PCSK6: variants seen among roughly 807,000 people sequenced by gnomAD.
The protein encoded by PCSK6 is proprotein convertase subtilisin/kexin type 6, also known as paired basic amino acid cleaving enzyme 4.
In PCSK6, 85 loss-of-function variants were observed where a neutral mutation model predicts 123.3. The ratio of observed to expected loss-of-function variants is 0.69; its 90% CI spans 0.58 to 0.83. The LOEUF is 0.83. PCSK6 is among the 40% of genes least tolerant of loss of function. The probability of loss-of-function intolerance (pLI) is 0.00; values close to 1 mark genes in which losing one functional copy is unlikely to be tolerated. For synonymous variants in PCSK6, 508 were observed against 516.0 expected, an observed-to-expected ratio of 0.98 and a Z score of 0.21; for missense variants, 1,191 against 1,282.3, an observed-to-expected ratio of 0.93 and a Z score of 1.09.
At position 101,318,237 on chromosome 15, in the gene PCSK6, T is replaced by C. The variant is rs892799262; in HGVS notation, c.2569+82A>G. The C allele has an allele frequency of 5.9e-6, 6 of 1,012,020 alleles. No homozygotes were observed. In the African/African-American group the frequency reaches 8.0e-5, roughly 14 times the overall value. The allele number at this position is 1,012,020 out of a possible 1,614,324, so 62.7% of individuals were successfully genotyped here. ...GCAATAAATGCAGAAGCCCACGAAG[T>C]CCTAGGGCTTTCTCGGGTTCAAGGC... On this transcript the variant is annotated intron_variant, in intron 19 of 21. Transcript: ENST00000611716.
At chr15:101,484,093 TCAC>T (rs35782163) in intron 1 of PCSK6, among the ~76,000 whole-genome samples, 15 of 152,270 alleles carry the variant, frequency 9.9e-5, no homozygotes, top group African/African-American at 2.2e-4. Flanking sequence ...CTTGTACACA[TCAC>T]CACATGTAAT....
intron 11 of PCSK6, among the ~76,000 whole-genome samples, chr15:101,381,434 C>T (rs1408979397): frequency 2.0e-5 from 3 of 152,142 alleles, no homozygotes; most frequent in South Asian, 2.1e-4. Flanking sequence ...AGAGCAGTTC[C>T]GGGTGTGCCC....
intron 19 of PCSK6, among the ~76,000 whole-genome samples, chr15:101,316,937 T>G (rs1596173305): frequency 1.4e-5 from 2 of 145,860 alleles, no homozygotes; most frequent in Admixed American, 7.1e-5. Flanking sequence ...TTTGACAGAG[T>G]CTTACTCTGT....
rs147919632 is a variant in PCSK6 at position 101,349,720 on chromosome 15, G to A, written c.1858+16476C>T. 2.6e-3 allele frequency among the ~76,000 whole-genome samples: 396 copies of A among 152,232 alleles called. 6 individuals carry two copies. Among genetic ancestry groups the A allele is most frequent in the African/African-American group, 8.8e-3 (366 of 41,550 alleles). ...TCATCAGTCCCAGGTCTCCCAGCCC[G>A]TCACCGGTGCAGCCAGCGTGGGACC... On this transcript the variant is annotated intron_variant, in intron 13 of 21. Transcript: ENST00000611716.
At chr15:101,454,801 C>T (rs1338071314) in intron 1 of PCSK6, among the ~76,000 whole-genome samples, 4 of 152,002 alleles carry the variant, frequency 2.6e-5, no homozygotes, top group Non-Finnish European at 4.4e-5. Flanking sequence ...AAAAATTAGC[C>T]GGGTATGGTG....
At chr15:101,443,044 T>C (rs1053863079) in intron 2 of PCSK6, among the ~76,000 whole-genome samples, 5 of 152,222 alleles carry the variant, frequency 3.3e-5, no homozygotes, top group Admixed American at 2.0e-4. Context: ...TTCAAATCTA[T>C]GCAGAAAGGA....
chr15:101,362,890 C>G (rs1292895524), intron 13 of PCSK6, among the ~76,000 whole-genome samples: 1 of 152,190 alleles, frequency 6.6e-6, no homozygotes. Flanking sequence ...TTGTTAGAAC[C>G]ATAGACCCTG....
chr15:101,332,233 C>G (rs767957208), intron 13 of PCSK6, among the ~76,000 whole-genome samples: 16 of 152,246 alleles, frequency 1.1e-4, no homozygotes, highest in Non-Finnish European at 1.3e-4. Context: ...TTCCTGCAAG[C>G]CAGTGCCCTT....
intron 13 of PCSK6, 141 bp downstream of exon 13, chr15:101,366,055 T>G (rs1487798905): frequency 3.5e-6 from 3 of 862,952 alleles, no homozygotes; most frequent in Non-Finnish European, 5.1e-6. Context: ...ATAATTAAAA[T>G]GGTGAATTTT....
chr15:101,381,614 G>A (rs1415790616), intron 11 of PCSK6, among the ~76,000 whole-genome samples: 1 of 152,208 alleles, frequency 6.6e-6, no homozygotes. Context: ...AGAAGAGGCT[G>A]ACCCAGCTGC....
At chr15:101,340,555 A>C (rs999860120) in intron 13 of PCSK6, among the ~76,000 whole-genome samples, 2 of 152,338 alleles carry the variant, frequency 1.3e-5, no homozygotes, top group South Asian at 2.1e-4. Context: ...CCTTCACTCC[A>C]TTCTACCTCT....
intron 18 of PCSK6, among the ~76,000 whole-genome samples, chr15:101,320,184 C>T (rs2040085180): frequency 6.6e-6 from 1 of 152,212 alleles, no homozygotes; most frequent in Non-Finnish European, 1.5e-5. Flanking sequence ...CTCCCAGGTT[C>T]AAGCGATTCT....
chr15:101,315,236 G>A (rs776238996), intron 19 of PCSK6, among the ~76,000 whole-genome samples: 3 of 152,188 alleles, frequency 2.0e-5, no homozygotes, highest in South Asian at 2.1e-4. Context: ...TAATGCCACC[G>A]AACTGTATGC....
rs1200463959 is a variant in PCSK6, at chr15:101,304,008, T to C, written c.*1250A>G. The C allele has an allele frequency of 1.3e-5, 2 of 152,612 alleles. No homozygotes were observed. The highest frequency in any genetic ancestry group is 2.9e-5 in the Non-Finnish European group (2 of 68,040). 9.5% of individuals were successfully genotyped at this position (152,612 alleles called of 1,614,324 possible). On this transcript the variant is annotated 3_prime_UTR_variant, in exon 22 of 22. Transcript: ENST00000611716. The stretch of plus-strand genomic sequence containing the variant: ...TTGATTTCTCTTTCAGAGTTGTAGA[T>C]TCAATAAACAACATCTGGGTTCTCT...
chr15:101,423,325 T>C (rs1235489192), intron 6 of PCSK6, among the ~76,000 whole-genome samples: 1 of 151,656 alleles, frequency 6.6e-6, no homozygotes, highest in Non-Finnish European at 1.5e-5. Flanking sequence ...AGTGGTATGA[T>C]CTCAGCTCAC....
chr15:101,312,313 G>A (rs2039884319), intron 20 of PCSK6: 1 of 152,024 alleles, frequency 6.6e-6, no homozygotes, highest in Admixed American at 6.6e-5. Context: ...AGCCAGAAAA[G>A]AGGAGACCAG....
chr15:101,326,283 AC>A lies in PCSK6; in HGVS notation c.2180+93del, dbSNP rs987092339. On this transcript the variant is annotated intron_variant, in intron 16 of 21. Transcript: ENST00000611716. The stretch of plus-strand genomic sequence containing the variant: ...GATGATTGTTTGGGGGTGCTACGTT[AC>A]TTCCTAACTGGGGCATCAGGACATG... 4 of 922,400 alleles carry A rather than the reference AC, an allele frequency of 4.3e-6. No homozygotes were observed. The Admixed American group carries it at 9.0e-5, about 21-fold the overall frequency. The allele number at this position is 922,400 out of a possible 1,614,324, so 57.1% of individuals were successfully genotyped here. A position where few individuals can be genotyped will look rare whatever the true frequency, so the allele number is the denominator to read the frequency against.
chr15:101,412,129 G>A (rs769608794), intron 6 of PCSK6, among the ~76,000 whole-genome samples: 7 of 152,182 alleles, frequency 4.6e-5, no homozygotes, highest in East Asian at 1.9e-4. Flanking sequence ...GGGGGCCCTG[G>A]ACAACCTACC....
At chr15:101,351,109 G>C (rs1399541399) in intron 13 of PCSK6, among the ~76,000 whole-genome samples, 1 of 152,118 alleles carries the variant, frequency 6.6e-6, no homozygotes, top group Non-Finnish European at 1.5e-5. Context: ...TCTCATGGTG[G>C]CTACTGGACC....
Sources: allele counts gnomAD v4.1 joint callset (sites outside exome capture counted in the v4.1 genomes callset), GRCh38; gene constraint gnomAD v4.1.1; transcripts MANE v1.5; gene names NCBI Gene and HGNC (gene_info 2026-07-23, HGNC 2026-07-21).